RYR3: variants seen among roughly 807,000 people sequenced by gnomAD.
RYR3 encodes the protein brain ryanodine receptor-calcium release channel.
Under a neutral mutation model 584.3 loss-of-function variants are expected in RYR3, and 207 were observed. That is an observed-to-expected ratio of 0.35 (90% confidence interval 0.32 to 0.40). RYR3 has a LOEUF of 0.40. Among genes scored for constraint, RYR3 ranks in the 10% least tolerant of loss-of-function variants. The pLI is 1.00. For missense variants in RYR3, 5,616 were observed against 6,089.2 expected (o/e 0.92, Z 2.59); for synonymous variants, 2,416 against 2,248.5 (o/e 1.07, Z -2.11).
intron 3 of RYR3, among the ~76,000 whole-genome samples, chr15:33,512,767 T>G (rs538173359): frequency 3.3e-5 from 5 of 152,198 alleles, no homozygotes; most frequent in Non-Finnish European, 4.4e-5. Flanking sequence ...AATATATTTG[T>G]TGGTGGTGGT....
intron 57 of RYR3, among the ~76,000 whole-genome samples, chr15:33,754,494 C>T (rs1244365773): frequency 6.6e-6 from 1 of 152,170 alleles, no homozygotes; most frequent in African/African-American, 2.4e-5. Flanking sequence ...GAACTATTTC[C>T]CCAGATGTCC....
At chr15:33,630,066 G>T (rs1381729967) in intron 22 of RYR3, 23 bp downstream of exon 22, 1 of 1,345,156 alleles carries the variant, frequency 7.4e-7, no homozygotes, top group Non-Finnish European at 1.0e-6. Flanking sequence ...TTGAGCTGAA[G>T]TTTTACAAAC....
intron 100 of RYR3, among the ~76,000 whole-genome samples, chr15:33,860,254 AG>A (rs1373813218): frequency 6.6e-6 from 1 of 152,220 alleles, no homozygotes; most frequent in African/African-American, 2.4e-5. Flanking sequence ...GATCCACCTC[AG>A]TGTCAGAGGT....
rs779116751 is a variant in RYR3, at chr15:33,581,681, T to C, written c.1573+38T>C. The C allele has an allele frequency of 1.9e-6, 3 of 1,588,088 alleles. No individual in the cohort carries two copies. In the South Asian group the frequency reaches 3.3e-5, roughly 18 times the overall value. ...ACAGTGCCTTCTCCCTGGGATGATT[T>C]CCATGGGATTTCCACGTGCAATCCC... is the stretch of plus-strand genomic sequence containing the variant. On this transcript the variant is annotated intron_variant, in intron 14 of 103. Transcript: ENST00000634891.
At chr15:33,532,506 G>A (rs1181478414) in intron 4 of RYR3, among the ~76,000 whole-genome samples, 1 of 151,850 alleles carries the variant, frequency 6.6e-6, no homozygotes, top group African/African-American at 2.4e-5. Context: ...TTTGAGTACA[G>A]GTTAACTTAT....
chr15:33,704,305 A>G (rs1429699488), intron 42 of RYR3, among the ~76,000 whole-genome samples: 1 of 152,084 alleles, frequency 6.6e-6, no homozygotes, highest in East Asian at 1.9e-4. Context: ...AAGAAAGAAA[A>G]AAATCTGCTG....
intron 36 of RYR3, among the ~76,000 whole-genome samples, chr15:33,664,589 G>GTGTATATA (rs577496539): frequency 9.0e-4 from 82 of 91,358 alleles, no homozygotes; most frequent in East Asian, 5.3e-3. Flanking sequence ...GTGTGTGTGT[G>GTGTATATA]TATATATATA....
chr15:33,417,024 T>C, intron 1 of RYR3, among the ~76,000 whole-genome samples: 1 of 152,146 alleles, frequency 6.6e-6, no homozygotes, highest in Non-Finnish European at 1.5e-5. Flanking sequence ...ATTTCAGTAG[T>C]CCCTATTCAG....
At chr15:33,744,058 ACTCT>A (rs899191871) in intron 52 of RYR3, among the ~76,000 whole-genome samples, 1 of 150,862 alleles carries the variant, frequency 6.6e-6, no homozygotes, top group Non-Finnish European at 1.5e-5. Flanking sequence ...TTTTAGACTC[ACTCT>A]CTCATATGCA....
At position 33,357,792 on chromosome 15, in the gene RYR3, A is replaced by G. The variant is rs529360235; in HGVS notation, c.51+46696A>G. 1.2e-3 allele frequency among the ~76,000 whole-genome samples: 184 copies of G among 152,334 alleles called. 2 individuals carry two copies. Among genetic ancestry groups the G allele is most frequent in the African/African-American group, 4.3e-3 (177 of 41,588 alleles). On this transcript the variant is annotated intron_variant, in intron 1 of 103. Transcript: ENST00000634891. ...TTATTGACTATTTTAAAACAAACAT[A>G]CAGGGTAATCTTCCCCCAGCACCGC...
At chr15:33,790,023 A>G (rs1233490173) in intron 67 of RYR3, among the ~76,000 whole-genome samples, 3 of 79,836 alleles carry the variant, frequency 3.8e-5, no homozygotes, top group Non-Finnish European at 6.6e-5. Flanking sequence ...ACAGAGTCTC[A>G]CTCTGTCACC....
Position 33,311,173 on chromosome 15 carries a change from G to T in RYR3, c.51+77G>T. On this transcript the variant is annotated intron_variant, in intron 1 of 103. Coordinates refer to ENST00000634891, the MANE Select transcript of RYR3 (RefSeq NM_001036.6). This position sits in a 1 kb window ranked among gnomAD's most constrained non-coding sequence, Gnocchi z 4.4. ...AGCGCGGCGAGGAGGGGCTGGCTGC[G>T]CTGCGCCGCGGTGCCGGGTGCCCGG... 3.4e-6 allele frequency: 4 copies of T among 1,165,258 alleles called. No individual in the cohort carries two copies. In the South Asian group the frequency reaches 8.0e-5, roughly 23 times the overall value. The allele number at this position is 1,165,258 out of a possible 1,614,324, so 72.2% of individuals were successfully genotyped here. A position where few individuals can be genotyped will look rare whatever the true frequency, so the allele number is the denominator to read the frequency against.
intron 47 of RYR3, among the ~76,000 whole-genome samples, chr15:33,729,729 A>G (rs2068787846): frequency 6.6e-6 from 1 of 152,126 alleles, no homozygotes; most frequent in Admixed American, 6.5e-5. Context: ...GTACACCAGG[A>G]GTCATAGGTC....
At chr15:33,864,106 G>T in intron 102 of RYR3, 32 bp from the exon 103 acceptor site, 1 of 1,553,808 alleles carries the variant, frequency 6.4e-7, no homozygotes, top group South Asian at 1.1e-5. Context: ...GTCTTGACCA[G>T]AGTATCTAAT....
In RYR3 at chr15:33,674,473, A is replaced by G. The variant is rs545918067; in HGVS notation, c.5860+3917A>G. On this transcript the variant is annotated intron_variant, in intron 38 of 103. Transcript: ENST00000634891. ...TCCACGTTATGTGAGGTACTTGTAT[A>G]TGTGTTTGTTTTCCTCACCAGGTCT... Among the ~76,000 whole-genome samples, 4 of 152,208 alleles carry G rather than the reference A, an allele frequency of 2.6e-5. No homozygotes were observed. The South Asian group carries it at 8.3e-4, about 32-fold the overall frequency.
intron 1 of RYR3, among the ~76,000 whole-genome samples, chr15:33,337,934 AT>A (rs199625940): frequency 3.3e-3 from 374 of 113,476 alleles, no homozygotes; most frequent in African/African-American, 0.011. Context: ...ATTTTAGGAG[AT>A]TTTTTTTTTT....
chr15:33,334,262 T>C (rs1363729066), intron 1 of RYR3, among the ~76,000 whole-genome samples: 2 of 152,158 alleles, frequency 1.3e-5, no homozygotes, highest in African/African-American at 4.8e-5. Context: ...GAAGGCATCA[T>C]GCTACTCAAC....
intron 1 of RYR3, among the ~76,000 whole-genome samples, chr15:33,379,687 C>CTCTCTATATATA: frequency 1.3e-4 from 16 of 125,520 alleles, no homozygotes; most frequent in Non-Finnish European, 1.6e-4. Context: ...CTCTCTCTCT[C>CTCTCTATATATA]TATATATATA....
intron 2 of RYR3, among the ~76,000 whole-genome samples, chr15:33,481,916 A>G (rs950778715): frequency 5.3e-5 from 8 of 151,384 alleles, no homozygotes; most frequent in African/African-American, 1.9e-4. Context: ...TTTTATTTCT[A>G]CCCATTTAAA....
Sources: gnomAD v4.1 joint callset for allele counts (sites outside exome capture counted in the v4.1 genomes callset) on GRCh38, gnomAD v4.1.1 for gene constraint, Gnocchi (gnomAD v3.1) non-coding constraint, MANE v1.5 for transcripts, NCBI Gene and HGNC (gene_info 2026-07-23, HGNC 2026-07-21) for gene names.